DEPDC5: variants seen among roughly 807,000 people sequenced by gnomAD.
DEPDC5 encodes the protein GATOR1 complex protein DEPDC5.
In DEPDC5, 73 loss-of-function variants were observed where a neutral mutation model predicts 217.3. The ratio of observed to expected loss-of-function variants is 0.34; its 90% CI spans 0.28 to 0.41. DEPDC5 has a LOEUF of 0.41. DEPDC5 is among the 10% of genes least tolerant of loss of function. The probability of loss-of-function intolerance (pLI) is 1.00; values close to 1 mark genes in which losing one functional copy is unlikely to be tolerated. For missense variants in DEPDC5, 1,675 were observed against 2,070.1 expected, an observed-to-expected ratio of 0.81 and a Z score of 3.70; for synonymous variants, 733 against 756.7, an observed-to-expected ratio of 0.97 and a Z score of 0.51.
At chr22:31,799,798 C>CTTTTT (rs1237771354) in intron 14 of DEPDC5, among the ~76,000 whole-genome samples, 1 of 119,228 alleles carries the variant, frequency 8.4e-6, no homozygotes, top group Admixed American at 8.3e-5. Flanking sequence ...CCATGCCCGG[C>CTTTTT]CTTTTTTTTT....
chr22:31,863,678 A>C (rs2092590716), intron 33 of DEPDC5, among the ~76,000 whole-genome samples: 1 of 152,124 alleles, frequency 6.6e-6, no homozygotes, highest in Non-Finnish European at 1.5e-5. Context: ...AAAAAATTAT[A>C]TTAGGAGGCC....
Position 31,876,146 on chromosome 22 carries a change from G to A in DEPDC5, c.3697-11G>A. 1.9e-6 allele frequency: 3 copies of A among 1,613,246 alleles called. No individual in the cohort carries two copies. Among genetic ancestry groups the A allele is most frequent in the Non-Finnish European group, 2.5e-6 (3 of 1,179,604 alleles). On this transcript the variant is annotated splice_polypyrimidine_tract_variant and intron_variant, in intron 36 of 42. Coordinates refer to ENST00000651528, the MANE Select transcript of DEPDC5 (RefSeq NM_001242896.3). ...TCTGCAGGAATTTCAGAGTTTCAAT[G>A]TCTCTCCTAGAAAATGCTGGAAGAG...
intron 20 of DEPDC5, 72 bp downstream of exon 20, chr22:31,810,713 C>T: frequency 1.3e-6 from 2 of 1,566,744 alleles, no homozygotes; most frequent in Non-Finnish European, 1.7e-6. Context: ...GTAGTGACCT[C>T]TAAGAGAGCA....
intron 8 of DEPDC5, among the ~76,000 whole-genome samples, chr22:31,781,018 A>T (rs1322826918): frequency 3.9e-5 from 6 of 151,988 alleles, no homozygotes; most frequent in Admixed American, 3.9e-4. Flanking sequence ...GGAGTTTGAG[A>T]CCAACCTGAC....
At chr22:31,768,937 C>G in intron 7 of DEPDC5, 74 bp downstream of exon 7, 1 of 1,540,984 alleles carries the variant, frequency 6.5e-7, no homozygotes, top group Admixed American at 1.7e-5. Flanking sequence ...GTATGGATGT[C>G]CATATAATAA....
At chr22:31,784,595 G>C in intron 9 of DEPDC5, 2 of 427,954 alleles carry the variant, frequency 4.7e-6, no homozygotes, top group Non-Finnish European at 4.2e-6. Flanking sequence ...ATTCCAGCCT[G>C]GGAGACAAAG....
At chr22:31,866,264 A>G (rs1292143761) in intron 33 of DEPDC5, among the ~76,000 whole-genome samples, 1 of 152,052 alleles carries the variant, frequency 6.6e-6, no homozygotes, top group Non-Finnish European at 1.5e-5. Context: ...ATCAAACGCC[A>G]GACTTGGATT....
At chr22:31,905,921 T>G in intron 41 of DEPDC5, 63 bp from the exon 42 acceptor site, 2 of 1,441,568 alleles carry the variant, frequency 1.4e-6, no homozygotes, top group South Asian at 1.2e-5. Flanking sequence ...TCAGCTACAT[T>G]CTCTTCCCTT....
chr22:31,760,845 A>G, intron 4 of DEPDC5, 143 bp downstream of exon 4: 1 of 695,708 alleles, frequency 1.4e-6, no homozygotes, highest in South Asian at 2.0e-5. Context: ...CAATTCAGGC[A>G]GTACATGGGA....
chr22:31,785,907 G>A (rs1008468685), intron 10 of DEPDC5, among the ~76,000 whole-genome samples: 2 of 152,098 alleles, frequency 1.3e-5, no homozygotes, highest in African/African-American at 2.4e-5. Context: ...GGAAAAGAAC[G>A]AATTTGGACC....
rs761625826 is a variant in DEPDC5 at position 31,833,978 on chromosome 22, C to G, written c.2168C>G (p.Pro723Arg). The G allele has an allele frequency of 5.6e-6, 9 of 1,613,566 alleles. No homozygotes were observed. The highest frequency in any genetic ancestry group is 6.8e-6 in the Non-Finnish European group (8 of 1,179,634). ...LEDSVSTSPD[P>R]ILTLSAPPVV... ...GACAGTGTTTCTACCTCTCCAGACC[C>G]AAGTAAGAGGGGGCAGCTGACTGGG... The change falls in exon 25 of 43, where the codon CCA (proline) becomes CGA (arginine). Residue 723 changes from proline to arginine, a missense_variant and splice_region_variant. Physicochemically the swap from Pro to Arg is moderately radical, Grantham distance 103. Transcript: ENST00000651528.
chr22:31,836,657 G>A (rs1243292725), intron 25 of DEPDC5, among the ~76,000 whole-genome samples: 1 of 152,036 alleles, frequency 6.6e-6, no homozygotes, highest in Non-Finnish European at 1.5e-5. Flanking sequence ...GCTTCGACAT[G>A]TAATTCTGCC....
rs916219228 is a variant in DEPDC5 at position 31,759,373 on chromosome 22, G to GT, written c.146+749dup. ...CCGAGCCGTTTTTTTTGTTTTTTTT[G>GT]TTTTTTTTTGTTTTTTTTGAGATGA... On this transcript the variant is annotated intron_variant, in intron 3 of 42. Transcript: ENST00000651528. Among the ~76,000 whole-genome samples, 186 of 109,700 alleles carry GT rather than the reference G, an allele frequency of 1.7e-3. 1 individual carries two copies. The highest frequency in any genetic ancestry group is 6.0e-3 in the East Asian group (21 of 3,478). The allele number at this position is 109,700 out of a possible 152,430, so 72.0% of individuals were successfully genotyped here.
chr22:31,797,562 G>A, intron 12 of DEPDC5, 38 bp from the exon 13 acceptor site: 3 of 1,547,526 alleles, frequency 1.9e-6, no homozygotes, highest in Non-Finnish European at 2.7e-6. Flanking sequence ...AACCATATCA[G>A]CTGCTCAATA....
chr22:31,876,144 A>G lies in DEPDC5; in HGVS notation c.3697-13A>G, dbSNP rs199645234. The G allele has an allele frequency of 1.7e-5, 28 of 1,613,144 alleles. No individual in the cohort carries two copies. The highest frequency in any genetic ancestry group is 2.2e-5 in the East Asian group (1 of 44,880). On this transcript the variant is annotated splice_polypyrimidine_tract_variant and intron_variant, in intron 36 of 42. Coordinates refer to ENST00000651528, the MANE Select transcript of DEPDC5 (RefSeq NM_001242896.3). Reference sequence around the variant, plus strand: ...TCTCTGCAGGAATTTCAGAGTTTCAATGTCTCTCCTAGAAAATGCTGGAAG... The same window carrying G: ...TCTCTGCAGGAATTTCAGAGTTTCAGTGTCTCTCCTAGAAAATGCTGGAAG...
chr22:31,871,316 T>C (rs143145700), intron 34 of DEPDC5, among the ~76,000 whole-genome samples: 2 of 152,364 alleles, frequency 1.3e-5, no homozygotes, highest in African/African-American at 2.4e-5. Context: ...TCTCACTGTA[T>C]TGACGAAGCA....
At chr22:31,891,914 C>T (rs2093446039) in intron 38 of DEPDC5, among the ~76,000 whole-genome samples, 1 of 152,204 alleles carries the variant, frequency 6.6e-6, no homozygotes, top group Admixed American at 6.5e-5. Context: ...GTCTCTGAAA[C>T]ATCCTATCTT....
chr22:31,835,386 A>T (rs1468952286), intron 25 of DEPDC5, among the ~76,000 whole-genome samples: 1 of 152,146 alleles, frequency 6.6e-6, no homozygotes, highest in African/African-American at 2.4e-5. Context: ...GAACCAGAAG[A>T]TACTGGGGTT....
At chr22:31,861,483 T>C in intron 33 of DEPDC5, 50 bp downstream of exon 33, 2 of 1,541,974 alleles carry the variant, frequency 1.3e-6, no homozygotes, top group Non-Finnish European at 8.8e-7. Context: ...GCAGACGCCA[T>C]GAGCTGGCCT....
Sources: gnomAD v4.1 joint callset for allele counts (sites outside exome capture counted in the v4.1 genomes callset) on GRCh38, gnomAD v4.1.1 for gene constraint, MANE v1.5 for transcripts, NCBI Gene and HGNC (gene_info 2026-07-23, HGNC 2026-07-21) for gene names.